Variants in USP6NL observed in about 807,000 individuals in gnomAD.
USP6NL encodes USP6 N-terminal-like protein.
A neutral mutation model predicts 61.9 loss-of-function variants in USP6NL; 26 were observed. The ratio of observed to expected loss-of-function variants is 0.42; its 90% CI spans 0.31 to 0.58. USP6NL has a LOEUF of 0.58. Ranked by LOEUF, USP6NL falls within the 20% of genes least tolerant of loss-of-function variation. The pLI is 0.16. For synonymous variants in USP6NL, 432 were observed against 390.1 expected (o/e 1.11, Z -1.27); for missense variants, 1,114 against 1,034.3 (o/e 1.08, Z -1.06).
At chr10:11,609,428 T>A (rs1195120892) in intron 1 of USP6NL, among the ~76,000 whole-genome samples, 1 of 151,414 alleles carries the variant, frequency 6.6e-6, no homozygotes, top group East Asian at 1.9e-4. Flanking sequence ...TAATTAGAGG[T>A]CTGCATTGCA....
At chr10:11,536,149 G>A (rs1488930277) in intron 2 of USP6NL, among the ~76,000 whole-genome samples, 1 of 152,200 alleles carries the variant, frequency 6.6e-6, no homozygotes, top group African/African-American at 2.4e-5. Flanking sequence ...ACATACACCA[G>A]CTCTCCCCCT....
In USP6NL at chr10:11,520,051, C is replaced by A. The variant is rs2133380354; in HGVS notation, c.156-1477G>T. The stretch of plus-strand genomic sequence containing the variant: ...CAAAACTAACACAAAAGAATAACCG[C>A]CAAAAGAGATCTTAGAGTCCAAATC... On this transcript the variant is annotated intron_variant, in intron 4 of 14. Coordinates refer to ENST00000609104, the MANE Select transcript of USP6NL (RefSeq NM_014688.5). This position sits in a 1 kb window ranked among gnomAD's most constrained non-coding sequence, Gnocchi z 5.2. 6.6e-6 allele frequency among the ~76,000 whole-genome samples: 1 copy of A among 152,234 alleles called. No homozygotes were observed. The highest frequency in any genetic ancestry group is 1.5e-5 in the Non-Finnish European group (1 of 68,008).
At chr10:11,473,309 A>G (rs1250944807) in intron 14 of USP6NL, among the ~76,000 whole-genome samples, 1 of 152,222 alleles carries the variant, frequency 6.6e-6, no homozygotes, top group African/African-American at 2.4e-5. Flanking sequence ...TTACTGTCCC[A>G]GGGAACTTTC....
intron 5 of USP6NL, among the ~76,000 whole-genome samples, chr10:11,516,137 T>C (rs899206996): frequency 6.6e-6 from 1 of 152,190 alleles, no homozygotes; most frequent in Admixed American, 6.5e-5. Flanking sequence ...AGTGCCTGTT[T>C]GGGGGAAACC....
chr10:11,525,372 T>C lies in USP6NL; in HGVS notation c.155+14A>G. Reference sequence around the variant, plus strand: ...TATAATCTAAAAAGCAAGCTTTCAATCTATGTGACTTACTGTAAAAAGCCA... The same window carrying C: ...TATAATCTAAAAAGCAAGCTTTCAACCTATGTGACTTACTGTAAAAAGCCA... On this transcript the variant is annotated intron_variant, in intron 4 of 14. Transcript: ENST00000609104. This position sits in a 1 kb window ranked among gnomAD's most constrained non-coding sequence, Gnocchi z 5.0. 1 of 1,580,892 alleles carries C rather than the reference T, an allele frequency of 6.3e-7. No homozygotes were observed. Among genetic ancestry groups the C allele is most frequent in the South Asian group, 1.2e-5 (1 of 83,688 alleles).
At chr10:11,570,888 T>C (rs1181542698) in intron 2 of USP6NL, among the ~76,000 whole-genome samples, 1 of 152,090 alleles carries the variant, frequency 6.6e-6, no homozygotes, top group Non-Finnish European at 1.5e-5. Flanking sequence ...ACTCGCCCCA[T>C]CCTTTTCCCT....
Position 11,481,913 on chromosome 10 carries a change from A to C in USP6NL, c.935T>G (p.Met312Arg). ...TACAAGTTCTTCCATGGACAATTTC[A>C]TTAGATGTTCTAAGAAAGGATAAGA... ...TILKLHKKHLMKLSMEELVEF... is the reference protein window; with the variant it reads ...TILKLHKKHLRKLSMEELVEF... Residue 312 changes from methionine to arginine, a missense_variant, in exon 14 of 15, where the codon ATG (methionine) becomes AGG (arginine). Met to Arg is a moderately conservative substitution (Grantham distance 91, BLOSUM62 -1). Coordinates refer to ENST00000609104, the MANE Select transcript of USP6NL (RefSeq NM_014688.5). The surrounding 1 kb of genome is among the most constrained non-coding windows in gnomAD (Gnocchi z 4.4). The C allele has an allele frequency of 6.2e-7, 1 of 1,607,012 alleles. No homozygotes were observed.
In USP6NL at chr10:11,548,221, A is replaced by G. The variant is rs1018919050; in HGVS notation, c.5-20654T>C. 6.6e-6 allele frequency among the ~76,000 whole-genome samples: 1 copy of G among 152,246 alleles called. No homozygotes were observed. Among genetic ancestry groups the G allele is most frequent in the African/African-American group, 2.4e-5 (1 of 41,464 alleles). On this transcript the variant is annotated intron_variant, in intron 2 of 14. Transcript: ENST00000609104. This position sits in a 1 kb window ranked among gnomAD's most constrained non-coding sequence, Gnocchi z 4.3. The stretch of plus-strand genomic sequence containing the variant: ...CTGACATATTCACACTGTCTAACAC[A>G]TGACATTTACTAAAGTCCCCTTTGA...
In USP6NL at chr10:11,597,433, CTT is replaced by C. The variant is rs1838366218; in HGVS notation, c.4+196_4+197del. ...GACCAGATTTCCTCATCACATGAAA[CTT>C]TTTAGAATAAATCAAACATCAGAAA... On this transcript the variant is annotated intron_variant, in intron 2 of 14. Coordinates refer to ENST00000609104, the MANE Select transcript of USP6NL (RefSeq NM_014688.5). The surrounding 1 kb of genome is among the most constrained non-coding windows in gnomAD (Gnocchi z 4.6). Among the ~76,000 whole-genome samples the C allele has an allele frequency of 6.6e-6, 1 of 152,184 alleles. No individual in the cohort carries two copies. The highest frequency in any genetic ancestry group is 1.5e-5 in the Non-Finnish European group (1 of 68,028).
intron 2 of USP6NL, among the ~76,000 whole-genome samples, chr10:11,588,490 T>C (rs908931162): frequency 6.6e-5 from 10 of 152,306 alleles, no homozygotes; most frequent in South Asian, 4.1e-4. Context: ...ATTTTAAAAA[T>C]AGATTTTCAG....
Position 11,464,389 on chromosome 10 carries a change from C to G in USP6NL, c.1079-540G>C, listed in dbSNP as rs549736682. 3.3e-5 allele frequency among the ~76,000 whole-genome samples: 5 copies of G among 152,364 alleles called. No individual in the cohort carries two copies. The East Asian group carries it at 9.6e-4, about 29-fold the overall frequency. On this transcript the variant is annotated intron_variant, in intron 14 of 14. Transcript: ENST00000609104. ...CAGTCACTGCGCGCTGGCCACTGCT[C>G]AGAAAGCTGTACCTGTAAGGCCTGC...
Position 11,495,073 on chromosome 10 carries a change from G to A in USP6NL, c.385-1845C>T, listed in dbSNP as rs1386421928. 1.3e-5 allele frequency among the ~76,000 whole-genome samples: 2 copies of A among 152,310 alleles called. No individual in the cohort carries two copies. The highest frequency in any genetic ancestry group is 6.5e-5 in the Admixed American group (1 of 15,304). Reference sequence around the variant, plus strand: ...TTACGCTACTGCTAGACCTCGGTCCGCCTGGCAACGGGCGTCTTCCCAGAT... The same window carrying A: ...TTACGCTACTGCTAGACCTCGGTCCACCTGGCAACGGGCGTCTTCCCAGAT... On this transcript the variant is annotated intron_variant, in intron 7 of 14. Coordinates refer to ENST00000609104, the MANE Select transcript of USP6NL (RefSeq NM_014688.5). This position sits in a 1 kb window ranked among gnomAD's most constrained non-coding sequence, Gnocchi z 4.6.
At chr10:11,522,834 A>T (rs577305951) in intron 4 of USP6NL, among the ~76,000 whole-genome samples, 14 of 152,386 alleles carry the variant, frequency 9.2e-5, no homozygotes, top group Admixed American at 2.6e-4. Context: ...TTTAAAATAC[A>T]AGAAAGCAGC....
At chr10:11,541,614 G>A (rs1443292234) in intron 2 of USP6NL, among the ~76,000 whole-genome samples, 1 of 152,104 alleles carries the variant, frequency 6.6e-6, no homozygotes. Context: ...ATAAGGGCAA[G>A]AGGCAAGGAA....
intron 1 of USP6NL, among the ~76,000 whole-genome samples, chr10:11,599,540 C>T (rs1838440221): frequency 6.6e-6 from 1 of 152,154 alleles, no homozygotes; most frequent in South Asian, 2.1e-4. Flanking sequence ...AAACACTAGA[C>T]TTATAATCTT....
intron 2 of USP6NL, among the ~76,000 whole-genome samples, chr10:11,581,179 A>G (rs1426532696): frequency 6.6e-6 from 1 of 152,196 alleles, no homozygotes; most frequent in East Asian, 1.9e-4. Context: ...TCTAACACTA[A>G]GCCAAAAGAA....
chr10:11,547,567 T>C (rs1225270922), intron 2 of USP6NL, among the ~76,000 whole-genome samples: 1 of 147,506 alleles, frequency 6.8e-6, no homozygotes, highest in Non-Finnish European at 1.5e-5. Flanking sequence ...TTTGAGACAG[T>C]CTCACTCTGT....
At position 11,489,163 on chromosome 10, in the gene USP6NL, G is replaced by A. The variant is rs531718368; in HGVS notation, c.603C>T (p.Asn201=). The stretch of plus-strand genomic sequence containing the variant: ...CCAGGGCCCAGAAGGCATCTTCCTC[G>A]TTCATATACATGAGGAGTAAAGCTG... The part of the protein sequence containing the change: ...QITALLLMYM[N]EEDAFWALVK... The change falls in exon 10 of 15, where the codon AAC becomes AAT. Residue 201 remains asparagine (N), a synonymous_variant. Coordinates refer to ENST00000609104, the MANE Select transcript of USP6NL (RefSeq NM_014688.5). The surrounding 1 kb of genome is among the most constrained non-coding windows in gnomAD (Gnocchi z 5.7). The A allele has an allele frequency of 3.3e-5, 54 of 1,613,912 alleles. No homozygotes were observed. Among genetic ancestry groups the A allele is most frequent in the African/African-American group, 1.5e-4 (11 of 75,024 alleles).
intron 2 of USP6NL, among the ~76,000 whole-genome samples, chr10:11,583,352 T>C (rs1468645200): frequency 6.9e-6 from 1 of 144,142 alleles, no homozygotes; most frequent in Non-Finnish European, 1.6e-5. Flanking sequence ...TGTGGCCGGC[T>C]AAATTTTTTT....
Sources: allele counts gnomAD v4.1 joint callset (sites outside exome capture counted in the v4.1 genomes callset), GRCh38; gene constraint gnomAD v4.1.1; non-coding constraint Gnocchi (gnomAD v3.1); transcripts MANE v1.5; gene names NCBI Gene and HGNC (gene_info 2026-07-23, HGNC 2026-07-21).